The following SEMA3D variants were observed in gnomAD, a reference collection of about 807,000 sequenced individuals.
SEMA3D encodes semaphorin 3D, also known as semaphorin-3D.
SEMA3D carries 84 observed loss-of-function variants against 100.1 expected under a neutral mutation model. The observed-to-expected ratio is 0.84, with a 90% CI of 0.70 to 1.01. SEMA3D has a LOEUF of 1.01. Ranked by LOEUF, SEMA3D falls within the 50% of genes least tolerant of loss-of-function variation. SEMA3D has a pLI of 0.00. For synonymous variants in SEMA3D, 312 were observed against 320.7 expected, an observed-to-expected ratio of 0.97 and a Z score of 0.29; for missense variants, 875 against 934.1, an observed-to-expected ratio of 0.94 and a Z score of 0.82.
At position 85,122,195 on chromosome 7, in the gene SEMA3D, C is replaced by A. The variant is rs1789443072; in HGVS notation, c.-40-264G>T. Among the ~76,000 whole-genome samples, 3 of 150,092 alleles carry A rather than the reference C, an allele frequency of 2.0e-5. No homozygotes were observed. In the South Asian group the frequency reaches 6.3e-4, roughly 32 times the overall value. On this transcript the variant is annotated intron_variant, in intron 2 of 18. Coordinates refer to ENST00000284136, the MANE Select transcript of SEMA3D (RefSeq NM_001384900.1). ...GCACGTGTACACCTATGTAAGAAAC[C>A]TGCACGTTTTGCACATGTATCCCAG...
intron 2 of SEMA3D, among the ~76,000 whole-genome samples, chr7:85,122,326 T>C (rs1352682656): frequency 6.6e-6 from 1 of 152,124 alleles, no homozygotes; most frequent in Non-Finnish European, 1.5e-5. Context: ...TAAAAATAAT[T>C]TTCCCATCGC....
In SEMA3D at chr7:84,996,975, A is replaced by G. The variant is rs1336225744; in HGVS notation, c.*2465T>C. 6.6e-6 allele frequency: 1 copy of G among 151,934 alleles called. No homozygotes were observed. The highest frequency in any genetic ancestry group is 2.4e-5 in the African/African-American group (1 of 41,458). 9.4% of individuals were successfully genotyped at this position (151,934 alleles called of 1,614,324 possible). On this transcript the variant is annotated 3_prime_UTR_variant, in exon 19 of 19. Transcript: ENST00000284136. Reference sequence around the variant, plus strand: ...TTTTAGATATTCTTTATCTTTAAAAATACATATAAATATGTGTACTCTATG... The same window carrying G: ...TTTTAGATATTCTTTATCTTTAAAAGTACATATAAATATGTGTACTCTATG...
chr7:85,242,085 C>G, the SEMA3D span, among the ~76,000 whole-genome samples: 3 of 151,832 alleles, frequency 2.0e-5, no homozygotes, highest in South Asian at 2.1e-4. Context: ...CTTTGTTAAT[C>G]TGACAAGCAA....
intron 12 of SEMA3D, among the ~76,000 whole-genome samples, chr7:85,024,730 C>T (rs1390700081): frequency 2.6e-5 from 4 of 151,930 alleles, no homozygotes; most frequent in African/African-American, 9.7e-5. Flanking sequence ...CTCAGGTCTG[C>T]GTCTCCACTA....
At chr7:85,247,740 C>A in the SEMA3D span, among the ~76,000 whole-genome samples, 2 of 152,052 alleles carry the variant, frequency 1.3e-5, no homozygotes, top group Non-Finnish European at 2.9e-5. Context: ...AAGAAATAAA[C>A]CCACAGATAT....
chr7:85,182,921 A>G (rs1583996977), intron 1 of SEMA3D, among the ~76,000 whole-genome samples: 2 of 152,212 alleles, frequency 1.3e-5, no homozygotes, highest in Non-Finnish European at 1.5e-5. Context: ...ACTCTTGTTC[A>G]TGAAGAAAAT....
chr7:85,008,538 TACAC>T (rs530204394), intron 17 of SEMA3D, among the ~76,000 whole-genome samples: 109 of 151,548 alleles, frequency 7.2e-4, no homozygotes, highest in African/African-American at 2.4e-3. Context: ...CACACACACA[TACAC>T]ACACTATCAT....
At chr7:85,249,664 G>A in the SEMA3D span, among the ~76,000 whole-genome samples, 9 of 152,268 alleles carry the variant, frequency 5.9e-5, no homozygotes, top group Admixed American at 3.9e-4. Flanking sequence ...ACTCATATTA[G>A]TGAACACGTG....
chr7:85,056,915 G>A lies in SEMA3D; in HGVS notation c.719-1056C>T, dbSNP rs62473398. ...CATATATATATATATATATATATAT[G>A]TATAGCATTTAGCATCAGGCAAAGG... On this transcript the variant is annotated intron_variant, in intron 8 of 18. Transcript: ENST00000284136. Among the ~76,000 whole-genome samples the A allele has an allele frequency of 2.1e-3, 186 of 88,250 alleles. 1 individual carries two copies. Among genetic ancestry groups the A allele is most frequent in the Non-Finnish European group, 3.4e-3 (132 of 39,176 alleles). The allele number at this position is 88,250 out of a possible 152,430, so 57.9% of individuals were successfully genotyped here.
intron 12 of SEMA3D, chr7:85,029,608 T>C: frequency 2.2e-6 from 1 of 462,170 alleles, no homozygotes; most frequent in South Asian, 2.0e-5. Context: ...GAAGGCATGC[T>C]AGGAGGAATG....
At chr7:85,043,768 C>T (rs1210621440) in intron 9 of SEMA3D, among the ~76,000 whole-genome samples, 1 of 152,126 alleles carries the variant, frequency 6.6e-6, no homozygotes, top group African/African-American at 2.4e-5. Context: ...TGCATAAGCT[C>T]TCCTTGCCTG....
chr7:85,148,929 T>C lies in SEMA3D; in HGVS notation c.-41+4679A>G, dbSNP rs542527880. ...TAAGCTTTTAAACAGGTTAAGCTTTTAACTTAGTTAAATTTTTTTAGAACT... is the reference window on the plus strand; with the variant it reads ...TAAGCTTTTAAACAGGTTAAGCTTTCAACTTAGTTAAATTTTTTTAGAACT... On this transcript the variant is annotated intron_variant, in intron 2 of 18. Transcript: ENST00000284136. Among the ~76,000 whole-genome samples the C allele has an allele frequency of 1.6e-4, 24 of 152,202 alleles. No homozygotes were observed. The South Asian group carries it at 2.1e-3, about 13-fold the overall frequency.
At chr7:85,081,892 C>T (rs1788075846) in intron 4 of SEMA3D, among the ~76,000 whole-genome samples, 1 of 152,080 alleles carries the variant, frequency 6.6e-6, no homozygotes. Flanking sequence ...GAGCATTTGC[C>T]TAAATAAGAG....
chr7:85,169,349 T>C (rs1305877851), intron 1 of SEMA3D, among the ~76,000 whole-genome samples: 1 of 151,886 alleles, frequency 6.6e-6, no homozygotes, highest in Admixed American at 6.6e-5. Context: ...AGAATAAAAT[T>C]GAACTTTAGA....
chr7:85,126,212 A>T (rs1258051903), intron 2 of SEMA3D, among the ~76,000 whole-genome samples: 1 of 152,120 alleles, frequency 6.6e-6, no homozygotes, highest in East Asian at 1.9e-4. Flanking sequence ...TGTGAACTTC[A>T]TTGATTTGCT....
At chr7:85,172,068 C>A (rs1246146558) in intron 1 of SEMA3D, among the ~76,000 whole-genome samples, 2 of 151,822 alleles carry the variant, frequency 1.3e-5, no homozygotes, top group African/African-American at 4.8e-5. Flanking sequence ...TTTCCCTCTG[C>A]ACTAGAAAGA....
At chr7:85,075,437 A>C (rs1290186486) in intron 5 of SEMA3D, among the ~76,000 whole-genome samples, 1 of 151,738 alleles carries the variant, frequency 6.6e-6, no homozygotes, top group Admixed American at 6.6e-5. Context: ...AAAAAAAAAA[A>C]ACCTCTGAAT....
At chr7:85,188,493 T>C (rs996576659), upstream of SEMA3D, among the ~76,000 whole-genome samples, 2 of 152,238 alleles carry the variant, frequency 1.3e-5, no homozygotes, top group African/African-American at 4.8e-5. Context: ...GTTTATTGTA[T>C]GTTTCTATGT....
intron 3 of SEMA3D, among the ~76,000 whole-genome samples, chr7:85,103,326 T>C (rs1037430343): frequency 6.6e-6 from 1 of 152,056 alleles, no homozygotes; most frequent in Non-Finnish European, 1.5e-5. Context: ...AGTTGAATAA[T>C]AATAATTTGG....
Sources: allele counts gnomAD v4.1 joint callset (sites outside exome capture counted in the v4.1 genomes callset), GRCh38; gene constraint gnomAD v4.1.1; transcripts MANE v1.5; gene names NCBI Gene and HGNC (gene_info 2026-07-23, HGNC 2026-07-21).